The following TTL variants were observed in gnomAD, a reference collection of about 807,000 sequenced individuals.
The protein encoded by TTL is tubulin tyrosine ligase, also known as tubulin--tyrosine ligase.
A neutral mutation model predicts 41.1 loss-of-function variants in TTL; 10 were observed. That is an observed-to-expected ratio of 0.24 (90% CI 0.15 to 0.41). The LOEUF (loss-of-function observed/expected upper bound fraction) is 0.41. Ranked by LOEUF, TTL falls within the 10% of genes least tolerant of loss-of-function variation. The pLI is 1.00. For missense variants in TTL, 367 were observed against 460.4 expected, an observed-to-expected ratio of 0.80 and a Z score of 1.86; for synonymous variants, 175 against 175.5, an observed-to-expected ratio of 1.00 and a Z score of 0.02.
intron 5 of TTL, among the ~76,000 whole-genome samples, chr2:112,516,281 A>G (rs1456107241): frequency 6.6e-6 from 1 of 152,108 alleles, no homozygotes; most frequent in Non-Finnish European, 1.5e-5. Flanking sequence ...AATCTATCTG[A>G]AGTTGTTATA....
At chr2:112,525,668 A>C (rs1302006998) in intron 6 of TTL, among the ~76,000 whole-genome samples, 1 of 152,224 alleles carries the variant, frequency 6.6e-6, no homozygotes, top group Non-Finnish European at 1.5e-5. Context: ...GTTGCTTATC[A>C]GCTTAAGGAG....
In TTL at chr2:112,532,617, A is replaced by T. The variant is rs116243436; in HGVS notation, c.*3822A>T. ...AGCAACAGAGCAAGACCCTGTCTCA[A>T]AAGTAAATAAATAATAAAGTAAATA... On this transcript the variant is annotated 3_prime_UTR_variant, in exon 7 of 7. Coordinates refer to ENST00000233336, the MANE Select transcript of TTL (RefSeq NM_153712.5). The T allele has an allele frequency of 3.7e-3, 694 of 186,332 alleles. 8 individuals are homozygous for T. The highest frequency in any genetic ancestry group is 0.016 in the African/African-American group (674 of 42,798). The allele number at this position is 186,332 out of a possible 1,614,324, so 11.5% of individuals were successfully genotyped here.
intron 6 of TTL, among the ~76,000 whole-genome samples, chr2:112,527,434 T>C (rs1292913573): frequency 6.6e-6 from 1 of 152,186 alleles, no homozygotes; most frequent in Non-Finnish European, 1.5e-5. Context: ...CCCACTATTA[T>C]TGTGTAGGAG....
chr2:112,517,410 G>A (rs1255004710), intron 5 of TTL, among the ~76,000 whole-genome samples: 1 of 151,526 alleles, frequency 6.6e-6, no homozygotes, highest in African/African-American at 2.4e-5. Flanking sequence ...ACCACTCAGT[G>A]CTAATTTTTT....
At position 112,539,407 on chromosome 2, in the gene TTL, AAG is replaced by A. The variant is rs937624269; in HGVS notation, c.*10615_*10616del. The A allele has an allele frequency of 6.6e-5, 10 of 152,308 alleles. No individual in the cohort carries two copies. The highest frequency in any genetic ancestry group is 1.3e-4 in the Non-Finnish European group (9 of 68,032). The allele number at this position is 152,308 out of a possible 1,614,324, so 9.4% of individuals were successfully genotyped here. A position where few individuals can be genotyped will look rare whatever the true frequency, so the allele number is the denominator to read the frequency against. On this transcript the variant is annotated 3_prime_UTR_variant, in exon 7 of 7. Transcript: ENST00000233336. ...TATAATATACCACTTTAATAGAAAAAAGAGGACAAAAAGCACATGATCATTTC... is the reference window on the plus strand; with the variant it reads ...TATAATATACCACTTTAATAGAAAAAAGGACAAAAAGCACATGATCATTTC...
rs754003308 is a variant in TTL, at chr2:112,520,284, A to T, written c.878A>T (p.Asn293Ile). 1.2e-6 allele frequency: 2 copies of T among 1,614,088 alleles called. No homozygotes were observed. The highest frequency in any genetic ancestry group is 2.2e-5 in the South Asian group (2 of 91,082). The change falls in exon 6 of 7, where the codon AAC (asparagine) becomes ATC (isoleucine). Residue 293 changes from asparagine (N) to isoleucine (I), a missense_variant and splice_region_variant. By Grantham distance (149) the Asn-to-Ile change is moderately radical. Transcript: ENST00000233336. ...GCATTTCCCCTCCTGCCTCATAGGA[A>T]CTGCCTCCTGAGCGTGGAGCCTGCC... ...ILLQIKHIIR[N>I]CLLSVEPAIS...
intron 5 of TTL, among the ~76,000 whole-genome samples, chr2:112,510,492 A>G (rs1182565092): frequency 6.7e-6 from 1 of 150,348 alleles, no homozygotes; most frequent in Non-Finnish European, 1.5e-5. Context: ...TTTTTTTGAG[A>G]TAGAATTTTG....
chr2:112,521,221 G>T, intron 6 of TTL: 3 of 985,268 alleles, frequency 3.0e-6, no homozygotes, highest in Non-Finnish European at 3.6e-6. Flanking sequence ...GGGCTCTGCA[G>T]GTCTGGGAGA....
intron 6 of TTL, among the ~76,000 whole-genome samples, chr2:112,526,949 A>T (rs1682388786): frequency 1.3e-5 from 2 of 152,158 alleles, no homozygotes; most frequent in Non-Finnish European, 2.9e-5. Flanking sequence ...CTGTCTACCC[A>T]CTGCTTTAAA....
At chr2:112,519,279 T>C (rs1371877521) in intron 5 of TTL, among the ~76,000 whole-genome samples, 2 of 152,228 alleles carry the variant, frequency 1.3e-5, no homozygotes, top group African/African-American at 2.4e-5. Flanking sequence ...CCAGGAGTTA[T>C]GACAAGTTCC....
intron 3 of TTL, among the ~76,000 whole-genome samples, chr2:112,499,243 G>C (rs538667106): frequency 6.6e-6 from 1 of 150,878 alleles, no homozygotes; most frequent in African/African-American, 2.4e-5. Flanking sequence ...TGAACCAGGG[G>C]GCAGAGGTTG....
intron 3 of TTL, among the ~76,000 whole-genome samples, chr2:112,500,170 C>G (rs1275214367): frequency 6.6e-6 from 1 of 151,894 alleles, no homozygotes; most frequent in African/African-American, 2.4e-5. Context: ...TCCATAGATA[C>G]AGAAAGTAGA....
rs35960689 is a variant in TTL at position 112,531,687 on chromosome 2, TA to T, written c.*2903del. 1,690 of 203,408 alleles carry T rather than the reference TA, an allele frequency of 8.3e-3. 2 individuals are homozygous for T. Among genetic ancestry groups the T allele is most frequent in the South Asian group, 0.014 (73 of 5,190 alleles). The allele number at this position is 203,408 out of a possible 1,614,324, so 12.6% of individuals were successfully genotyped here. On this transcript the variant is annotated 3_prime_UTR_variant, in exon 7 of 7. Coordinates refer to ENST00000233336, the MANE Select transcript of TTL (RefSeq NM_153712.5). ...GAAGAATTGCATAAGGCTTATGACTTAAAAAAAAAAATTCTTTTTGGAAACA... is the reference window on the plus strand; with the variant it reads ...GAAGAATTGCATAAGGCTTATGACTTAAAAAAAAAATTCTTTTTGGAAACA...
At chr2:112,527,834 T>C (rs1048887663) in intron 6 of TTL, among the ~76,000 whole-genome samples, 1 of 152,232 alleles carries the variant, frequency 6.6e-6, no homozygotes, top group African/African-American at 2.4e-5. Flanking sequence ...TATTGTTATA[T>C]GTGAATTTGA....
intron 4 of TTL, among the ~76,000 whole-genome samples, chr2:112,501,618 A>G (rs1681700620): frequency 6.6e-6 from 1 of 152,094 alleles, no homozygotes; most frequent in African/African-American, 2.4e-5. Context: ...TTGTAATCCC[A>G]GCACTTTGGG....
rs1682611000 is a variant in TTL at position 112,536,950 on chromosome 2, C to T, written c.*8155C>T. 1 of 152,196 alleles carries T rather than the reference C, an allele frequency of 6.6e-6. No individual in the cohort carries two copies. Among genetic ancestry groups the T allele is most frequent in the African/African-American group, 2.4e-5 (1 of 41,436 alleles). The allele number at this position is 152,196 out of a possible 1,614,324, so 9.4% of individuals were successfully genotyped here. A position where few individuals can be genotyped will look rare whatever the true frequency, so the allele number is the denominator to read the frequency against. On this transcript the variant is annotated 3_prime_UTR_variant, in exon 7 of 7. Transcript: ENST00000233336. ...TGTTGATGGGCACCTAGGTTGATTC[C>T]ATGTCTTTGCTCTTGTGAATAGCAC...
intron 5 of TTL, among the ~76,000 whole-genome samples, chr2:112,518,130 A>C (rs1433646051): frequency 7.2e-6 from 1 of 138,522 alleles, no homozygotes; most frequent in Non-Finnish European, 1.5e-5. Context: ...CACCACAGCC[A>C]ACTAATTTTT....
Position 112,537,459 on chromosome 2 carries a change from G to T in TTL, c.*8664G>T, listed in dbSNP as rs1357717796. ...ACCAATTTACATTCCTGCCAGCAGT[G>T]TATAAGCATTCTCTTTTTTTCCTTA... On this transcript the variant is annotated 3_prime_UTR_variant, in exon 7 of 7. Coordinates refer to ENST00000233336, the MANE Select transcript of TTL (RefSeq NM_153712.5). The T allele has an allele frequency of 6.6e-6, 1 of 152,254 alleles. No homozygotes were observed. Among genetic ancestry groups the T allele is most frequent in the Non-Finnish European group, 1.5e-5 (1 of 68,062 alleles). 9.4% of individuals were successfully genotyped at this position (152,254 alleles called of 1,614,324 possible).
In TTL at chr2:112,537,772, A is replaced by G. The variant is rs1460013068; in HGVS notation, c.*8977A>G. On this transcript the variant is annotated 3_prime_UTR_variant, in exon 7 of 7. Coordinates refer to ENST00000233336, the MANE Select transcript of TTL (RefSeq NM_153712.5). The stretch of plus-strand genomic sequence containing the variant: ...GAAGGAAGAAACAGACAATTTAACT[A>G]CAATAGTTGGAACCCTCAAAACTCC... The G allele has an allele frequency of 6.6e-6, 1 of 152,266 alleles. No homozygotes were observed. The highest frequency in any genetic ancestry group is 2.4e-5 in the African/African-American group (1 of 41,468). The allele number at this position is 152,266 out of a possible 1,614,324, so 9.4% of individuals were successfully genotyped here.
Sources: gnomAD v4.1 joint callset for allele counts (sites outside exome capture counted in the v4.1 genomes callset) on GRCh38, gnomAD v4.1.1 for gene constraint, MANE v1.5 for transcripts, NCBI Gene and HGNC (gene_info 2026-07-23, HGNC 2026-07-21) for gene names.